Variants in PPARGC1A observed in about 807,000 individuals in gnomAD.
PPARGC1A encodes the protein peroxisome proliferator-activated receptor gamma coactivator 1-alpha.
Under a neutral mutation model 88.7 loss-of-function variants are expected in PPARGC1A, and 25 were observed. The observed-to-expected ratio is 0.28, with a 90% CI of 0.21 to 0.39. The LOEUF (loss-of-function observed/expected upper bound fraction) is 0.39. PPARGC1A is among the 10% of genes least tolerant of loss of function. The pLI is 1.00. For synonymous variants in PPARGC1A, 363 were observed against 355.6 expected (o/e 1.02, Z -0.24); for missense variants, 880 against 968.7 (o/e 0.91, Z 1.22).
At chr4:23,929,505 C>T in the PPARGC1A span, among the ~76,000 whole-genome samples, 3 of 152,160 alleles carry the variant, frequency 2.0e-5, no homozygotes, top group African/African-American at 7.2e-5. Flanking sequence ...TGCTGCCTCC[C>T]GAGGCTCTCC....
chr4:24,013,085 G>T, the PPARGC1A span, among the ~76,000 whole-genome samples: 4 of 152,108 alleles, frequency 2.6e-5, no homozygotes, highest in Admixed American at 6.5e-5. Flanking sequence ...CCCCTCCCTA[G>T]TTGTGTTTAG....
the PPARGC1A span, among the ~76,000 whole-genome samples, chr4:24,149,863 A>C: frequency 1.3e-5 from 2 of 152,172 alleles, no homozygotes; most frequent in African/African-American, 4.8e-5. Context: ...ATCTAAATCT[A>C]AATCTAATTT....
chr4:24,370,104 C>G, the PPARGC1A span, among the ~76,000 whole-genome samples: 1 of 152,182 alleles, frequency 6.6e-6, no homozygotes, highest in East Asian at 1.9e-4. Flanking sequence ...CAGGCAACAG[C>G]GTCTAGTTAA....
the PPARGC1A span, among the ~76,000 whole-genome samples, chr4:24,270,725 T>G: frequency 1.3e-5 from 2 of 152,336 alleles, no homozygotes; most frequent in Non-Finnish European, 2.9e-5. Context: ...ATCCACTGAT[T>G]GGTAGCTCCT....
the PPARGC1A span, among the ~76,000 whole-genome samples, chr4:23,925,089 G>C: frequency 1.3e-5 from 2 of 152,182 alleles, no homozygotes; most frequent in African/African-American, 4.8e-5. Context: ...TGCAAACTTA[G>C]AGAACAAAAT....
the PPARGC1A span, among the ~76,000 whole-genome samples, chr4:23,910,893 G>A: frequency 1.3e-5 from 2 of 152,064 alleles, no homozygotes; most frequent in Non-Finnish European, 1.5e-5. Context: ...TGCAGGAAGG[G>A]TGACACTTGA....
chr4:24,164,112 C>A, the PPARGC1A span, among the ~76,000 whole-genome samples: 1 of 152,174 alleles, frequency 6.6e-6, no homozygotes, highest in Non-Finnish European at 1.5e-5. Flanking sequence ...ATCTTCCTTG[C>A]ATGCTTATTT....
the PPARGC1A span, among the ~76,000 whole-genome samples, chr4:23,969,957 T>C: frequency 6.6e-6 from 1 of 152,100 alleles, no homozygotes. Context: ...CCCACAGAGA[T>C]GAAGAAACCA....
chr4:24,177,496 T>A, the PPARGC1A span, among the ~76,000 whole-genome samples: 1 of 151,914 alleles, frequency 6.6e-6, no homozygotes, highest in Non-Finnish European at 1.5e-5. Context: ...GGGATAGCAT[T>A]AGGAGATATA....
chr4:24,455,353 C>A, the PPARGC1A span, among the ~76,000 whole-genome samples: 4 of 152,102 alleles, frequency 2.6e-5, no homozygotes, highest in Non-Finnish European at 5.9e-5. Flanking sequence ...TTGTGGCTTG[C>A]GCCTGCAGTC....
the PPARGC1A span, among the ~76,000 whole-genome samples, chr4:24,237,812 G>A: frequency 6.6e-6 from 1 of 152,112 alleles, no homozygotes; most frequent in East Asian, 1.9e-4. Context: ...ACATCTTCTA[G>A]CCTGTCATTT....
the PPARGC1A span, among the ~76,000 whole-genome samples, chr4:24,106,330 A>G: frequency 7.2e-5 from 11 of 152,180 alleles, no homozygotes; most frequent in Admixed American, 5.2e-4. Context: ...CAACTGATCT[A>G]TCATTTCCTG....
the PPARGC1A span, among the ~76,000 whole-genome samples, chr4:23,948,308 T>C: frequency 5.9e-5 from 9 of 152,166 alleles, no homozygotes; most frequent in Non-Finnish European, 1.3e-4. Context: ...TTTTCTTCTA[T>C]GTAATACTAT....
chr4:24,234,504 T>A, the PPARGC1A span, among the ~76,000 whole-genome samples: 1 of 152,168 alleles, frequency 6.6e-6, no homozygotes, highest in Admixed American at 6.5e-5. Flanking sequence ...TAGAGAACCA[T>A]GATATCAAAT....
At chr4:24,469,880 C>G in the PPARGC1A span, among the ~76,000 whole-genome samples, 1 of 152,136 alleles carries the variant, frequency 6.6e-6, no homozygotes. Context: ...CTCTGGTTTC[C>G]TAGGAGTTTG....
the PPARGC1A span, among the ~76,000 whole-genome samples, chr4:24,338,794 G>GA: frequency 4.0e-5 from 6 of 150,038 alleles, no homozygotes; most frequent in South Asian, 2.1e-4. Context: ...CACAAAGCTT[G>GA]AAAAAAAAAT....
chr4:23,965,934 C>T, the PPARGC1A span, among the ~76,000 whole-genome samples: 7 of 152,164 alleles, frequency 4.6e-5, no homozygotes, highest in African/African-American at 1.7e-4. Context: ...GTTTTTATGG[C>T]AAATGCAGAG....
At chr4:24,466,958 AAG>A in the PPARGC1A span, among the ~76,000 whole-genome samples, 1 of 117,384 alleles carries the variant, frequency 8.5e-6, no homozygotes, top group African/African-American at 3.3e-5. Flanking sequence ...GAAAAAAAGA[AAG>A]AAAGAAAGAA....
At chr4:24,075,571 C>T in the PPARGC1A span, among the ~76,000 whole-genome samples, 1 of 152,144 alleles carries the variant, frequency 6.6e-6, no homozygotes, top group Non-Finnish European at 1.5e-5. Context: ...TTGCAGCTCC[C>T]ATAATTCCCA....
Sources: allele counts gnomAD v4.1 joint callset (sites outside exome capture counted in the v4.1 genomes callset), GRCh38; gene constraint gnomAD v4.1.1; transcripts MANE v1.5; gene names NCBI Gene and HGNC (gene_info 2026-07-23, HGNC 2026-07-21).